DOCK3: variants seen among roughly 807,000 people sequenced by gnomAD.
DOCK3 encodes dedicator of cytokinesis protein 3.
In DOCK3, 60 loss-of-function variants were observed where a neutral mutation model predicts 265.6. The observed-to-expected ratio is 0.23, with a 90% CI of 0.18 to 0.28. The LOEUF (loss-of-function observed/expected upper bound fraction) is 0.28, where lower values mean the gene tolerates loss of function less well. Ranked by LOEUF, DOCK3 falls within the 10% of genes least tolerant of loss-of-function variation. The probability of loss-of-function intolerance (pLI) is 1.00; values close to 1 mark genes in which losing one functional copy is unlikely to be tolerated. For missense variants in DOCK3, 1,981 were observed against 2,594.3 expected, an observed-to-expected ratio of 0.76 and a Z score of 5.14; for synonymous variants, 881 against 938.0, an observed-to-expected ratio of 0.94 and a Z score of 1.11.
At chr3:51,273,672 C>T (rs902082031) in intron 24 of DOCK3, among the ~76,000 whole-genome samples, 3 of 152,196 alleles carry the variant, frequency 2.0e-5, no homozygotes, top group Non-Finnish European at 4.4e-5. Context: ...TTTGACAAGG[C>T]AGTGCCCAAA....
intron 5 of DOCK3, among the ~76,000 whole-genome samples, chr3:51,002,312 G>T (rs542504404): frequency 2.0e-5 from 3 of 152,130 alleles, no homozygotes; most frequent in Non-Finnish European, 4.4e-5. Context: ...TATTTGTTGA[G>T]ATTGGAGAGT....
At chr3:51,323,403 A>G (rs945069236) in intron 32 of DOCK3, among the ~76,000 whole-genome samples, 3 of 152,188 alleles carry the variant, frequency 2.0e-5, no homozygotes, top group African/African-American at 4.8e-5. Context: ...CAGAATATAC[A>G]TTCTTCTCAG....
chr3:51,234,242 G>T (rs977536476), intron 19 of DOCK3, among the ~76,000 whole-genome samples: 2 of 152,196 alleles, frequency 1.3e-5, no homozygotes, highest in African/African-American at 4.8e-5. Flanking sequence ...CTGATGATTA[G>T]TGATGATGAG....
rs769396900 is a variant in DOCK3, at chr3:51,064,566, A to C, written c.434A>C (p.His145Pro). The change falls in exon 6 of 53, where the codon CAC (histidine) becomes CCC (proline). Residue 145 changes from histidine to proline, a missense_variant. Coordinates refer to ENST00000266037, the MANE Select transcript of DOCK3 (RefSeq NM_004947.5). ...TQDQVREVKR[H>P]ITVRLDWGNE... ...GATCAGGTGCGGGAGGTTAAGCGGCACATCACCGTGCGCCTGGACTGGGGT... is the reference window on the plus strand; with the variant it reads ...GATCAGGTGCGGGAGGTTAAGCGGCCCATCACCGTGCGCCTGGACTGGGGT... 6.2e-7 allele frequency: 1 copy of C among 1,613,976 alleles called. No individual in the cohort carries two copies. Among genetic ancestry groups the C allele is most frequent in the Admixed American group, 1.7e-5 (1 of 60,006 alleles).
At chr3:51,158,816 G>A (rs563188714) in intron 10 of DOCK3, among the ~76,000 whole-genome samples, 2 of 152,308 alleles carry the variant, frequency 1.3e-5, no homozygotes, top group Non-Finnish European at 2.9e-5. Context: ...AGGAATCAAT[G>A]TAAAATTAGT....
chr3:50,786,779 ATGAACTGTTTGT>A, intron 2 of DOCK3: 1 of 740,788 alleles, frequency 1.3e-6, no homozygotes, highest in South Asian at 1.3e-5. Context: ...CCACTGGCAC[ATGAACTGTTTGT>A]GCCCAACGTG....
In DOCK3 at chr3:51,106,425, C is replaced by T. The variant is rs116373761; in HGVS notation, c.746+16041C>T. On this transcript the variant is annotated intron_variant, in intron 9 of 52. Transcript: ENST00000266037. ...GCCTCCCCATGCCACTTTGCCTGCACACACGTCACCATGGCCGCTCTCTAT... is the reference window on the plus strand; with the variant it reads ...GCCTCCCCATGCCACTTTGCCTGCATACACGTCACCATGGCCGCTCTCTAT... Among the ~76,000 whole-genome samples the T allele has an allele frequency of 2.7e-3, 416 of 152,364 alleles. 1 individual carries two copies. The highest frequency in any genetic ancestry group is 9.6e-3 in the African/African-American group (399 of 41,588).
At chr3:50,837,781 G>A (rs1460722629) in intron 2 of DOCK3, among the ~76,000 whole-genome samples, 1 of 152,176 alleles carries the variant, frequency 6.6e-6, no homozygotes, top group Admixed American at 6.5e-5. Context: ...GGTGGAAGGG[G>A]TTTGGGGAGG....
intron 3 of DOCK3, among the ~76,000 whole-genome samples, chr3:50,846,521 G>C (rs2046089605): frequency 6.6e-6 from 1 of 152,124 alleles, no homozygotes; most frequent in Non-Finnish European, 1.5e-5. Flanking sequence ...TGGTTTAGTA[G>C]AATGAGTTAA....
chr3:50,862,893 A>C, intron 3 of DOCK3, among the ~76,000 whole-genome samples: 1 of 152,076 alleles, frequency 6.6e-6, no homozygotes, highest in Admixed American at 6.6e-5. Context: ...CAAACCACAA[A>C]CAACACTTTC....
chr3:50,928,588 G>C (rs965738654), intron 4 of DOCK3, among the ~76,000 whole-genome samples: 1 of 152,094 alleles, frequency 6.6e-6, no homozygotes, highest in Admixed American at 6.5e-5. Flanking sequence ...TCGTTTGCAA[G>C]TTTCCTAGTT....
intron 1 of DOCK3, among the ~76,000 whole-genome samples, chr3:50,757,681 A>G (rs112342181): frequency 6.6e-4 from 101 of 152,190 alleles, no homozygotes; most frequent in African/African-American, 2.4e-3. Flanking sequence ...CATCTAAGAA[A>G]CAGTTGACAA....
chr3:50,749,329 A>G (rs756512593), intron 1 of DOCK3, among the ~76,000 whole-genome samples: 4 of 152,228 alleles, frequency 2.6e-5, no homozygotes, highest in Admixed American at 2.6e-4. Context: ...TTTGTAGTGT[A>G]TAGTGTGGCA....
At chr3:51,089,490 T>C (rs1473721413) in intron 8 of DOCK3, among the ~76,000 whole-genome samples, 1 of 152,228 alleles carries the variant, frequency 6.6e-6, no homozygotes, top group Non-Finnish European at 1.5e-5. Flanking sequence ...TAAAGCAGAC[T>C]GAAACTAAAA....
chr3:51,162,762 A>C (rs189167121), intron 12 of DOCK3, among the ~76,000 whole-genome samples: 32 of 152,332 alleles, frequency 2.1e-4, no homozygotes, highest in African/African-American at 7.5e-4. Context: ...CTAAAGCAAC[A>C]GCTTTCTGCA....
rs1575717990 is a variant in DOCK3 at position 50,999,715 on chromosome 3, C to T, written c.316-64733C>T. Among the ~76,000 whole-genome samples the T allele has an allele frequency of 3.3e-5, 5 of 152,280 alleles. No homozygotes were observed. In the South Asian group the frequency reaches 1.0e-3, roughly 32 times the overall value. On this transcript the variant is annotated intron_variant, in intron 5 of 52. Coordinates refer to ENST00000266037, the MANE Select transcript of DOCK3 (RefSeq NM_004947.5). ...AAAAAAAAGGCTTAGACTCTGCTTC[C>T]CACCTCAGACTTCTCCTTCTTGGTA... is the stretch of plus-strand genomic sequence containing the variant.
chr3:51,167,553 T>C (rs113170429), intron 12 of DOCK3, among the ~76,000 whole-genome samples: 1 of 152,318 alleles, frequency 6.6e-6, no homozygotes, highest in African/African-American at 2.4e-5. Flanking sequence ...ATGGATATTT[T>C]GAAAATATTA....
In DOCK3 at chr3:51,374,344, G is replaced by T; in HGVS notation, c.5294-125G>T. ...CTGCTTCATTCCTCCTGTGCTTGCT[G>T]AGTTCATCCTCACCCTAACTGTAAG... On this transcript the variant is annotated intron_variant, in intron 49 of 52. Coordinates refer to ENST00000266037, the MANE Select transcript of DOCK3 (RefSeq NM_004947.5). The surrounding 1 kb of genome is among the most constrained non-coding windows in gnomAD (Gnocchi z 4.8). 1 of 813,506 alleles carries T rather than the reference G, an allele frequency of 1.2e-6. No individual in the cohort carries two copies. The allele number at this position is 813,506 out of a possible 1,614,324, so 50.4% of individuals were successfully genotyped here.
chr3:51,288,014 C>T (rs1206263325), intron 27 of DOCK3, among the ~76,000 whole-genome samples: 4 of 152,308 alleles, frequency 2.6e-5, no homozygotes, highest in South Asian at 4.1e-4. Flanking sequence ...AGGCCATTGT[C>T]CTAAGTGAAC....
Sources: gnomAD v4.1 joint callset for allele counts (sites outside exome capture counted in the v4.1 genomes callset) on GRCh38, gnomAD v4.1.1 for gene constraint, Gnocchi (gnomAD v3.1) non-coding constraint, MANE v1.5 for transcripts, NCBI Gene and HGNC (gene_info 2026-07-23, HGNC 2026-07-21) for gene names.